The following CAPN7 variants were observed in gnomAD, a reference collection of about 807,000 sequenced individuals.
The protein encoded by CAPN7 is calpain-7.
In CAPN7, 72 loss-of-function variants were observed where a neutral mutation model predicts 115.2. The observed-to-expected ratio is 0.63, with a 90% CI of 0.52 to 0.76. The LOEUF is 0.76. Among genes scored for constraint, CAPN7 ranks in the 30% least tolerant of loss-of-function variants. The pLI is 0.00. For synonymous variants in CAPN7, 344 were observed against 322.3 expected (o/e 1.07, Z -0.72); for missense variants, 905 against 971.5 (o/e 0.93, Z 0.91).
Position 15,228,857 on chromosome 3 carries a change from A to G in CAPN7, c.853-117A>G. On this transcript the variant is annotated intron_variant, in intron 7 of 20. Coordinates refer to ENST00000253693, the MANE Select transcript of CAPN7 (RefSeq NM_014296.3). ...CATGTACCCCCGAACCTAAAATAGA[A>G]GTTTTAAGAAAAGATATTTAGTATA... The G allele has an allele frequency of 8.3e-6, 6 of 720,252 alleles. No homozygotes were observed. In the South Asian group the frequency reaches 1.2e-4, roughly 14 times the overall value. 44.6% of individuals were successfully genotyped at this position (720,252 alleles called of 1,614,324 possible). A position where few individuals can be genotyped will look rare whatever the true frequency, so the allele number is the denominator to read the frequency against.
chr3:15,225,261 A>G (rs913645901), intron 6 of CAPN7, among the ~76,000 whole-genome samples: 2 of 152,230 alleles, frequency 1.3e-5, no homozygotes, highest in African/African-American at 4.8e-5. Flanking sequence ...TCTTTGACTA[A>G]TGATTTTACT....
chr3:15,220,034 C>T (rs867942269), intron 4 of CAPN7, among the ~76,000 whole-genome samples: 3 of 152,078 alleles, frequency 2.0e-5, no homozygotes, highest in Non-Finnish European at 4.4e-5. Flanking sequence ...AACCCTGTCT[C>T]TACTAAAAAT....
chr3:15,221,346 A>AT (rs772108590), intron 5 of CAPN7, among the ~76,000 whole-genome samples: 7,297 of 104,302 alleles, frequency 0.07, 547 homozygotes, highest in Admixed American at 0.14. Context: ...CATCTGACTA[A>AT]TTTTTTTTTT....
At chr3:15,240,983 T>A (rs1695309824) in intron 14 of CAPN7, 130 bp downstream of exon 14, 1 of 571,854 alleles carries the variant, frequency 1.7e-6, no homozygotes, top group Non-Finnish European at 3.1e-6. Context: ...GGTGGGTGGA[T>A]CAGTTGACCT....
intron 5 of CAPN7, among the ~76,000 whole-genome samples, chr3:15,221,382 A>G (rs1332123027): frequency 7.3e-6 from 1 of 137,350 alleles, no homozygotes; most frequent in Non-Finnish European, 1.5e-5. Flanking sequence ...TAGTAGAGAC[A>G]GGGTTTCATA....
At chr3:15,236,752 C>T (rs568064590) in intron 12 of CAPN7, among the ~76,000 whole-genome samples, 29 of 152,142 alleles carry the variant, frequency 1.9e-4, no homozygotes, top group Non-Finnish European at 4.1e-4. Context: ...GTTATAACAA[C>T]TTGGTATTTG....
In CAPN7 at chr3:15,210,814, A is replaced by T. The variant is rs989313904; in HGVS notation, c.103-1290A>T. On this transcript the variant is annotated intron_variant, in intron 1 of 20. Coordinates refer to ENST00000253693, the MANE Select transcript of CAPN7 (RefSeq NM_014296.3). ...TTAATTTTGTTAGGTTCAGTGAAAC[A>T]ACTCCTGCTCAAACAACTGGATTCA... 19 of 1,289,486 alleles carry T rather than the reference A, an allele frequency of 1.5e-5. No homozygotes were observed. In the Middle Eastern group the frequency reaches 6.4e-4, roughly 43 times the overall value. The allele number at this position is 1,289,486 out of a possible 1,614,324, so 79.9% of individuals were successfully genotyped here.
chr3:15,246,555 C>A, intron 17 of CAPN7, 177 bp from the exon 18 acceptor site: 1 of 575,660 alleles, frequency 1.7e-6, no homozygotes, highest in Non-Finnish European at 3.1e-6. Context: ...GCAGAGAAAG[C>A]CAAGACCAGA....
chr3:15,234,015 C>A, intron 11 of CAPN7, 42 bp downstream of exon 11: 1 of 1,090,682 alleles, frequency 9.2e-7, no homozygotes, highest in Non-Finnish European at 1.4e-6. Flanking sequence ...TAAATGTGGC[C>A]GTTTAAAAAC....
At chr3:15,213,661 T>C (rs2045075417) in intron 2 of CAPN7, among the ~76,000 whole-genome samples, 1 of 152,204 alleles carries the variant, frequency 6.6e-6, no homozygotes, top group Non-Finnish European at 1.5e-5. Flanking sequence ...TTGAAATCCT[T>C]GTGACAATTG....
At chr3:15,242,759 A>G (rs1265946648) in intron 16 of CAPN7, among the ~76,000 whole-genome samples, 1 of 152,072 alleles carries the variant, frequency 6.6e-6, no homozygotes, top group Non-Finnish European at 1.5e-5. Flanking sequence ...CTTTCTCCCT[A>G]TTCTGCTTAA....
At chr3:15,239,171 T>C (rs1695191704) in intron 12 of CAPN7, among the ~76,000 whole-genome samples, 1 of 152,206 alleles carries the variant, frequency 6.6e-6, no homozygotes, top group Non-Finnish European at 1.5e-5. Flanking sequence ...TTCTAGGGAA[T>C]ATAGCCTAAG....
At position 15,241,587 on chromosome 3, in the gene CAPN7, A is replaced by G; in HGVS notation, c.1787A>G (p.Lys596Arg). ...TTGCTTAGTAGACACATAACAGACA[A>G]GGTACTGATACCCTTCTAATGATAT... ...WVLLSRHITD[K>R]DDFANNREFI... is the part of the protein sequence containing the mutation. The change falls in exon 15 of 21, where the codon AAG becomes AGG. Residue 596 changes from lysine to arginine, a missense_variant and splice_region_variant. By Grantham distance (26) the Lys-to-Arg change is conservative. Coordinates refer to ENST00000253693, the MANE Select transcript of CAPN7 (RefSeq NM_014296.3). 4.3e-6 allele frequency: 7 copies of G among 1,613,574 alleles called. No homozygotes were observed. Among genetic ancestry groups the G allele is most frequent in the Non-Finnish European group, 5.1e-6 (6 of 1,179,762 alleles).
intron 4 of CAPN7, among the ~76,000 whole-genome samples, chr3:15,218,931 C>G (rs985421749): frequency 7.2e-5 from 11 of 152,292 alleles, no homozygotes; most frequent in African/African-American, 2.6e-4. Context: ...CAGTGTGTAG[C>G]TCTTTCACCT....
At chr3:15,221,520 G>A (rs547245095) in intron 5 of CAPN7, among the ~76,000 whole-genome samples, 8 of 151,982 alleles carry the variant, frequency 5.3e-5, no homozygotes, top group East Asian at 1.9e-4. Context: ...TAATATTAGC[G>A]TTTTTGCTAG....
At chr3:15,245,360 T>C (rs1695596066) in intron 16 of CAPN7, among the ~76,000 whole-genome samples, 166 bp from the exon 17 acceptor site, 1 of 152,226 alleles carries the variant, frequency 6.6e-6, no homozygotes. Flanking sequence ...AGGAACTGTT[T>C]AATTTTAAAG....
intron 4 of CAPN7, among the ~76,000 whole-genome samples, chr3:15,220,390 G>A (rs569910402): frequency 1.3e-5 from 2 of 152,252 alleles, no homozygotes; most frequent in East Asian, 3.9e-4. Context: ...AATTCATTAA[G>A]TGAATAACTT....
intron 12 of CAPN7, among the ~76,000 whole-genome samples, chr3:15,237,954 G>A (rs779077875): frequency 4.6e-5 from 7 of 151,968 alleles, no homozygotes; most frequent in Non-Finnish European, 8.8e-5. Context: ...AGTTGACACA[G>A]TGACACCCTG....
intron 5 of CAPN7, among the ~76,000 whole-genome samples, chr3:15,221,346 A>ATTTTTTTTT (rs772108590): frequency 9.6e-6 from 1 of 104,334 alleles, no homozygotes; most frequent in African/African-American, 3.7e-5. Flanking sequence ...CATCTGACTA[A>ATTTTTTTTT]TTTTTTTTTT....
Sources: gnomAD v4.1 joint callset for allele counts (sites outside exome capture counted in the v4.1 genomes callset) on GRCh38, gnomAD v4.1.1 for gene constraint, MANE v1.5 for transcripts, NCBI Gene and HGNC (gene_info 2026-07-23, HGNC 2026-07-21) for gene names.